Variants in ZNF385D observed in about 807,000 individuals in gnomAD.
The protein encoded by ZNF385D is zinc finger protein 659.
ZNF385D carries 15 observed loss-of-function variants against 35.8 expected under a neutral mutation model. The ratio of observed to expected loss-of-function variants is 0.42; its 90% CI spans 0.28 to 0.64. The LOEUF (loss-of-function observed/expected upper bound fraction) is 0.64, where lower values mean the gene tolerates loss of function less well. Ranked by LOEUF, ZNF385D falls within the 30% of genes least tolerant of loss-of-function variation. ZNF385D has a pLI of 0.23. For missense variants in ZNF385D, 474 were observed against 494.6 expected (o/e 0.96, Z 0.39); for synonymous variants, 212 against 186.8 (o/e 1.13, Z -1.10).
At chr3:21,639,040 C>G (rs575998557) in intron 2 of ZNF385D, among the ~76,000 whole-genome samples, 2 of 152,204 alleles carry the variant, frequency 1.3e-5, no homozygotes, top group Admixed American at 1.3e-4. Context: ...AAGAGCAACT[C>G]TAATTTGTTA....
At chr3:21,945,005 A>G (rs1701705057) in intron 3 of ZNF385D, among the ~76,000 whole-genome samples, 1 of 151,994 alleles carries the variant, frequency 6.6e-6, no homozygotes, top group South Asian at 2.1e-4. Context: ...TGAAATTCTT[A>G]TTTTCGATTT....
chr3:21,710,926 C>A (rs2068075468), intron 1 of ZNF385D, among the ~76,000 whole-genome samples: 1 of 151,594 alleles, frequency 6.6e-6, no homozygotes, highest in African/African-American at 2.4e-5. Context: ...AGTCACTTTT[C>A]TAATCTAAAT....
intron 3 of ZNF385D, among the ~76,000 whole-genome samples, chr3:21,559,018 C>A (rs755624825): frequency 4.4e-5 from 5 of 113,272 alleles, no homozygotes; most frequent in Non-Finnish European, 8.6e-5. Flanking sequence ...TGTCCATTTG[C>A]TTAGTAAATA....
At chr3:21,493,420 T>C (rs1575042995) in intron 4 of ZNF385D, among the ~76,000 whole-genome samples, 1 of 152,166 alleles carries the variant, frequency 6.6e-6, no homozygotes, top group African/African-American at 2.4e-5. Flanking sequence ...TGATGCCATA[T>C]TGAAATGTTT....
chr3:21,784,792 G>T (rs1217157658), intron 3 of ZNF385D, among the ~76,000 whole-genome samples: 1 of 151,710 alleles, frequency 6.6e-6, no homozygotes, highest in African/African-American at 2.4e-5. Flanking sequence ...ATAAGGACAG[G>T]GTCAATTTTA....
intron 3 of ZNF385D, chr3:22,134,438 A>T (rs1576377350): frequency 6.6e-6 from 1 of 152,196 alleles, no homozygotes; most frequent in Non-Finnish European, 1.5e-5. Flanking sequence ...CTCTCTTAGC[A>T]ATCATTAAAA....
chr3:22,142,097 G>T (rs7629007), intron 3 of ZNF385D, among the ~76,000 whole-genome samples: 1 of 152,064 alleles, frequency 6.6e-6, no homozygotes, highest in Non-Finnish European at 1.5e-5. Flanking sequence ...GGCACAAAGA[G>T]CTTGAAAGAA....
intron 3 of ZNF385D, among the ~76,000 whole-genome samples, chr3:21,794,509 TA>T (rs1383701151): frequency 1.3e-5 from 2 of 152,158 alleles, no homozygotes; most frequent in African/African-American, 2.4e-5. Context: ...CTCACAGTTC[TA>T]AAGAATGGAT....
intron 2 of ZNF385D, among the ~76,000 whole-genome samples, chr3:22,224,650 G>A (rs917096800): frequency 5.3e-5 from 8 of 152,128 alleles, no homozygotes; most frequent in Middle Eastern, 3.2e-3. Context: ...GCAGTAAGGT[G>A]AGACAATCTT....
At chr3:21,678,575 T>G (rs145219622) in intron 1 of ZNF385D, among the ~76,000 whole-genome samples, 3 of 152,114 alleles carry the variant, frequency 2.0e-5, no homozygotes, top group Admixed American at 6.6e-5. Flanking sequence ...GCCTCAGGAA[T>G]TGGAGTTAGT....
chr3:21,794,431 G>A (rs1339204283), intron 3 of ZNF385D, among the ~76,000 whole-genome samples: 1 of 152,072 alleles, frequency 6.6e-6, no homozygotes, highest in East Asian at 1.9e-4. Context: ...GAAAGTTTCT[G>A]AAACTGTTTA....
At position 22,134,932 on chromosome 3, in the gene ZNF385D, C is replaced by T. The variant is rs1036388933; in HGVS notation, c.325+33885G>A. On this transcript the variant is annotated intron_variant, in intron 3 of 5. Transcript: ENST00000494108. ...TAGGTCCAACCTTCCAACACTAGTA[C>T]GTAGAAGATTATGTTTCCAGTGCAT... 6.6e-5 allele frequency among the ~76,000 whole-genome samples: 10 copies of T among 152,080 alleles called. No individual in the cohort carries two copies. The East Asian group carries it at 1.2e-3, about 18-fold the overall frequency.
Position 21,921,626 on chromosome 3 carries a change from C to T in ZNF385D, c.325+247191G>A, listed in dbSNP as rs571466243. ...GAAAATGCAGTAGATGGAGAAAACA[C>T]CTAAAAAAAGAGACATAAATATGTA... On this transcript the variant is annotated intron_variant, in intron 3 of 5. Transcript: ENST00000494108. Among the ~76,000 whole-genome samples the T allele has an allele frequency of 2.0e-5, 3 of 151,554 alleles. No individual in the cohort carries two copies. The East Asian group carries it at 5.8e-4, about 29-fold the overall frequency.
At chr3:22,037,657 T>C (rs2125497076) in intron 3 of ZNF385D, among the ~76,000 whole-genome samples, 1 of 152,294 alleles carries the variant, frequency 6.6e-6, no homozygotes, top group South Asian at 2.1e-4. Flanking sequence ...ATTCTGTAGG[T>C]TGACTGTTCA....
chr3:21,528,927 C>T (rs1223566713), intron 3 of ZNF385D, among the ~76,000 whole-genome samples: 1 of 151,980 alleles, frequency 6.6e-6, no homozygotes, highest in East Asian at 1.9e-4. Flanking sequence ...AGTTCTATGG[C>T]CTTAAGAAAA....
At chr3:22,261,265 G>A (rs749139257) in intron 2 of ZNF385D, among the ~76,000 whole-genome samples, 45 of 151,922 alleles carry the variant, frequency 3.0e-4, no homozygotes, top group Admixed American at 9.2e-4. Context: ...CAGAGAACCA[G>A]CTAGACAGAC....
intron 2 of ZNF385D, among the ~76,000 whole-genome samples, chr3:22,170,085 A>G (rs1694307627): frequency 6.6e-6 from 1 of 152,226 alleles, no homozygotes; most frequent in Non-Finnish European, 1.5e-5. Flanking sequence ...CCTCTCTAGC[A>G]CACTATGGTC....
chr3:21,878,997 T>G (rs1448002299), intron 3 of ZNF385D, among the ~76,000 whole-genome samples: 1 of 152,048 alleles, frequency 6.6e-6, no homozygotes, highest in Non-Finnish European at 1.5e-5. Context: ...CAGAACTTGC[T>G]GCCAACAGTA....
At chr3:22,046,596 TTTCATCTTCA>T (rs1249679150) in intron 3 of ZNF385D, among the ~76,000 whole-genome samples, 2 of 152,180 alleles carry the variant, frequency 1.3e-5, no homozygotes, top group Non-Finnish European at 2.9e-5. Flanking sequence ...ATTTTTTTCC[TTTCATCTTCA>T]TTCATATAAG....
Sources: allele counts gnomAD v4.1 joint callset (sites outside exome capture counted in the v4.1 genomes callset), GRCh38; gene constraint gnomAD v4.1.1; transcripts MANE v1.5; gene names NCBI Gene and HGNC (gene_info 2026-07-23, HGNC 2026-07-21).